Variants in DOP1B observed in about 807,000 individuals in gnomAD.
The protein encoded by DOP1B is DOP1 leucine zipper like protein B, also known as protein DOP1B.
A neutral mutation model predicts 233.5 loss-of-function variants in DOP1B; 174 were observed. The observed-to-expected ratio is 0.75, with a 90% confidence interval of 0.66 to 0.85. The LOEUF (loss-of-function observed/expected upper bound fraction) is 0.85. Ranked by LOEUF, DOP1B falls within the 40% of genes least tolerant of loss-of-function variation. The probability of loss-of-function intolerance (pLI) is 0.00; values close to 1 mark genes in which losing one functional copy is unlikely to be tolerated. For synonymous variants in DOP1B, 1,190 were observed against 1,185.6 expected (o/e 1.00, Z -0.08); for missense variants, 2,652 against 2,846.6 (o/e 0.93, Z 1.56).
intron 4 of DOP1B, among the ~76,000 whole-genome samples, chr21:36,203,118 A>C (rs1453553349): frequency 6.6e-6 from 1 of 152,240 alleles, no homozygotes; most frequent in Non-Finnish European, 1.5e-5. Flanking sequence ...AACAGTTGCT[A>C]AAGTTGCTTA....
intron 23 of DOP1B, among the ~76,000 whole-genome samples, chr21:36,254,241 CAAG>C (rs949487850): frequency 2.6e-5 from 4 of 152,106 alleles, no homozygotes; most frequent in Non-Finnish European, 1.5e-5. Flanking sequence ...GCACCTGCCT[CAAG>C]GAGCTCGCAG....
At chr21:36,225,775 T>G in intron 12 of DOP1B, 108 bp downstream of exon 12, 1 of 1,079,986 alleles carries the variant, frequency 9.3e-7, no homozygotes. Flanking sequence ...TTTACATAAA[T>G]ATGCAACACT....
At chr21:36,267,908 T>A (rs1409491193) in intron 26 of DOP1B, among the ~76,000 whole-genome samples, 1 of 151,960 alleles carries the variant, frequency 6.6e-6, no homozygotes, top group African/African-American at 2.4e-5. Context: ...GATCACATGC[T>A]TCAAAGGGCA....
chr21:36,170,979 C>T (rs2065967411), intron 2 of DOP1B, among the ~76,000 whole-genome samples: 1 of 152,176 alleles, frequency 6.6e-6, no homozygotes, highest in Non-Finnish European at 1.5e-5. Flanking sequence ...CTGTCAGTCC[C>T]TACCTCTGCT....
At chr21:36,187,068 G>A (rs1392481414) in intron 2 of DOP1B, among the ~76,000 whole-genome samples, 1 of 151,946 alleles carries the variant, frequency 6.6e-6, no homozygotes, top group African/African-American at 2.4e-5. Context: ...AAGGTGCCAG[G>A]GCTCAGGCCT....
Position 36,251,265 on chromosome 21 carries a change from A to G in DOP1B, c.5102A>G (p.Gln1701Arg), listed in dbSNP as rs754457193. 5 of 1,613,240 alleles carry G rather than the reference A, an allele frequency of 3.1e-6. No individual in the cohort carries two copies. Among genetic ancestry groups the G allele is most frequent in the Non-Finnish European group, 3.4e-6 (4 of 1,179,856 alleles). Residue 1701 changes from glutamine (Q) to arginine (R), a missense_variant, in exon 22 of 37, where the codon CAG becomes CGG. By Grantham distance (43) the Gln-to-Arg change is conservative. Transcript: ENST00000691173. ...VAAVWSRKKA[Q>R]RHSKMKIIPT... ...GCAGTGTGGAGCAGAAAGAAAGCCCAGCGTCACAGTAAGATGAAGGTAAAG... is the reference window on the plus strand; with the variant it reads ...GCAGTGTGGAGCAGAAAGAAAGCCCGGCGTCACAGTAAGATGAAGGTAAAG...
chr21:36,244,382 T>G (rs933801288), intron 18 of DOP1B, among the ~76,000 whole-genome samples: 9 of 152,096 alleles, frequency 5.9e-5, no homozygotes, highest in Non-Finnish European at 1.2e-4. Flanking sequence ...CACATCCTTA[T>G]GGCTTTGAAA....
Position 36,270,055 on chromosome 21 carries a change from G to A in DOP1B, c.5530G>A (p.Gly1844Ser), listed in dbSNP as rs142668714. 16 of 1,614,020 alleles carry A rather than the reference G, an allele frequency of 9.9e-6. No homozygotes were observed. The East Asian group carries it at 1.3e-4, about 13-fold the overall frequency. ...KILEAVGNIA[G>S]SSLEQTSWLS... The stretch of plus-strand genomic sequence containing the variant: ...CCTAGAAGCTGTGGGGAACATTGCC[G>A]GCTCTTCCTTGGAGCAAACCAGCTG... Residue 1844 changes from glycine to serine, a missense_variant, in exon 27 of 37, where the codon GGC (glycine) becomes AGC (serine). Physicochemically the swap from Gly to Ser is moderately conservative, Grantham distance 56 (BLOSUM62 0). This residue lies in a region of DOP1B where 2,617 missense variants were observed against 2,794.3 expected (regional missense o/e 0.94). Coordinates refer to ENST00000691173, the MANE Select transcript of DOP1B (RefSeq NM_001320714.2).
chr21:36,262,433 C>T (rs768953706), intron 24 of DOP1B, among the ~76,000 whole-genome samples: 9 of 152,188 alleles, frequency 5.9e-5, no homozygotes, highest in African/African-American at 1.9e-4. Flanking sequence ...TGTGCTTCCT[C>T]GCTTTGGAGC....
intron 27 of DOP1B, among the ~76,000 whole-genome samples, chr21:36,270,375 AAACCCCG>A (rs1302496624): frequency 3.3e-5 from 5 of 150,538 alleles, no homozygotes; most frequent in African/African-American, 1.2e-4. Context: ...CAACATGGCG[AAACCCCG>A]TCTCTACTAA....
At chr21:36,223,499 A>G in intron 11 of DOP1B, 149 bp downstream of exon 11, 1 of 1,041,948 alleles carries the variant, frequency 9.6e-7, no homozygotes, top group Non-Finnish European at 1.3e-6. Context: ...ACAGGATTGG[A>G]AAGAATTCAC....
At chr21:36,284,373 C>T (rs2067458330) in intron 32 of DOP1B, among the ~76,000 whole-genome samples, 1 of 149,002 alleles carries the variant, frequency 6.7e-6, no homozygotes, top group African/African-American at 2.5e-5. Context: ...CGGGTTCAAG[C>T]AATTCTCCTG....
At chr21:36,240,416 A>T (rs1224919279) in intron 18 of DOP1B, among the ~76,000 whole-genome samples, 1 of 152,260 alleles carries the variant, frequency 6.6e-6, no homozygotes, top group African/African-American at 2.4e-5. Context: ...GGAGGTAGAG[A>T]TTGCAGTGAG....
chr21:36,168,538 G>GTT (rs57031913), intron 2 of DOP1B, among the ~76,000 whole-genome samples: 5 of 145,514 alleles, frequency 3.4e-5, no homozygotes, highest in African/African-American at 7.5e-5. Flanking sequence ...TTATTTTCAA[G>GTT]TTTTTTTTTT....
chr21:36,230,848 T>G lies in DOP1B; in HGVS notation c.2064T>G (p.Thr688=), dbSNP rs767786265. The G allele has an allele frequency of 9.3e-6, 15 of 1,613,998 alleles. No individual in the cohort carries two copies. Among genetic ancestry groups the G allele is most frequent in the African/African-American group, 1.3e-5 (1 of 74,920 alleles). ...ACTCTTGGGAGCCCAAGCCCATCAC[T>G]GTGCCTCAGTTCAAGCAGATGCTGT... The part of the protein sequence containing the change: ...RKNSWEPKPI[T]VPQFKQMLSD... Residue 688 remains threonine (T), a synonymous_variant, in exon 14 of 37, where the codon ACT becomes ACG. Coordinates refer to ENST00000691173, the MANE Select transcript of DOP1B (RefSeq NM_001320714.2).
At chr21:36,167,908 A>AGTCACATT in intron 2 of DOP1B, among the ~76,000 whole-genome samples, 1 of 143,530 alleles carries the variant, frequency 7.0e-6, no homozygotes, top group Non-Finnish European at 1.5e-5. Flanking sequence ...TGTATGGGTA[A>AGTCACATT]GTCACATTTT....
chr21:36,284,265 C>T (rs1163221817), intron 32 of DOP1B, among the ~76,000 whole-genome samples: 9 of 75,876 alleles, frequency 1.2e-4, no homozygotes, highest in Non-Finnish European at 1.9e-4. Context: ...TTCCTTCTTT[C>T]TTTTTTTTTT....
chr21:36,293,571 A>G lies in DOP1B; in HGVS notation c.6897A>G (p.Ter2299=). 1 of 1,613,994 alleles carries G rather than the reference A, an allele frequency of 6.2e-7. No individual in the cohort carries two copies. The highest frequency in any genetic ancestry group is 1.1e-5 in the South Asian group (1 of 91,078). Residue 2299 remains the stop codon, a stop_retained_variant, in exon 37 of 37, where the codon TAA becomes TAG. Coordinates refer to ENST00000691173, the MANE Select transcript of DOP1B (RefSeq NM_001320714.2). ...ATTTTCTGGAACATCCAGAATGTTAACCATGTGAGAGAGAATATGTTTAAT... is the reference window on the plus strand; with the variant it reads ...ATTTTCTGGAACATCCAGAATGTTAGCCATGTGAGAGAGAATATGTTTAAT... ...EYDFLEHPEC[*]
intron 2 of DOP1B, among the ~76,000 whole-genome samples, chr21:36,186,438 G>GGGAAGTATGTATGTATGTATT (rs1569007519): frequency 2.6e-5 from 4 of 151,976 alleles, no homozygotes; most frequent in Admixed American, 6.6e-5. Context: ...GTATATGTAT[G>GGGAAGTATGTATGTATGTATT]GGAAGTATGT....
Sources: allele counts gnomAD v4.1 joint callset (sites outside exome capture counted in the v4.1 genomes callset), GRCh38; gene constraint gnomAD v4.1.1; regional missense constraint gnomAD v4.1.1; transcripts MANE v1.5; gene names NCBI Gene and HGNC (gene_info 2026-07-23, HGNC 2026-07-21).